The following RFC2 variants were observed in gnomAD, a reference collection of about 807,000 sequenced individuals.
RFC2 encodes the protein A1 40 kDa subunit.
A neutral mutation model predicts 44.8 loss-of-function variants in RFC2; 34 were observed. The observed-to-expected ratio is 0.76, with a 90% CI of 0.58 to 1.01. RFC2 has a LOEUF of 1.01. Ranked by LOEUF, RFC2 falls within the 50% of genes least tolerant of loss-of-function variation. The probability of loss-of-function intolerance (pLI) is 0.00; values close to 1 mark genes in which losing one functional copy is unlikely to be tolerated. For missense variants in RFC2, 400 were observed against 453.6 expected (o/e 0.88, Z 1.07); for synonymous variants, 177 against 168.9 (o/e 1.05, Z -0.37).
chr7:74,248,703 T>A (rs570537152), intron 4 of RFC2, among the ~76,000 whole-genome samples: 1 of 152,150 alleles, frequency 6.6e-6, no homozygotes, highest in South Asian at 2.1e-4. Flanking sequence ...GGTTTCACCA[T>A]GTTGGCTAGG....
chr7:74,239,108 C>T, intron 7 of RFC2, 120 bp from the exon 8 acceptor site: 1 of 736,132 alleles, frequency 1.4e-6, no homozygotes, highest in Non-Finnish European at 2.3e-6. Flanking sequence ...AGCGATTCTC[C>T]CACCTCCGCC....
chr7:74,246,709 A>C lies in RFC2; in HGVS notation c.387T>G (p.Thr129=), dbSNP rs111490006. ...TGATCTTATGTCGGCCTTTGGGAAG[A>C]GTGACTTTTTGTTGAGCAAACATTT... ...KIKMFAQQKV[T]LPKGRHKIII... is the part of the protein sequence containing the mutation. Residue 129 remains threonine (T), a synonymous_variant, in exon 5 of 11, where the codon ACT becomes ACG. Transcript: ENST00000055077. 1.9e-6 allele frequency: 3 copies of C among 1,613,270 alleles called. No individual in the cohort carries two copies. Among genetic ancestry groups the C allele is most frequent in the Non-Finnish European group, 2.5e-6 (3 of 1,179,578 alleles).
At chr7:74,252,119 A>C (rs1486171086) in intron 2 of RFC2, among the ~76,000 whole-genome samples, 7 of 141,606 alleles carry the variant, frequency 4.9e-5, no homozygotes, top group African/African-American at 1.8e-4. Flanking sequence ...AAAAAAAAAA[A>C]AAAAAAGGCC....
At chr7:74,249,268 C>T (rs1554720630) in intron 3 of RFC2, 150 bp from the exon 4 acceptor site, 1 of 1,416,134 alleles carries the variant, frequency 7.1e-7, no homozygotes, top group Non-Finnish European at 9.6e-7. Flanking sequence ...TGGCCGGAGA[C>T]AGTGGCTCAC....
In RFC2 at chr7:74,246,616, G is replaced by C. The variant is rs200041965; in HGVS notation, c.434+46C>G. 205 of 1,287,308 alleles carry C rather than the reference G, an allele frequency of 1.6e-4. 1 individual carries two copies. In the African/African-American group the frequency reaches 2.9e-3, roughly 18 times the overall value. The allele number at this position is 1,287,308 out of a possible 1,614,324, so 79.7% of individuals were successfully genotyped here. On this transcript the variant is annotated intron_variant, in intron 5 of 10. Coordinates refer to ENST00000055077, the MANE Select transcript of RFC2 (RefSeq NM_181471.3). Reference sequence around the variant, plus strand: ...ATCCTGATTGAATAAAACCGAAAAAGAGATTTAGAGATCAAGGTCAAAATA... The same window carrying C: ...ATCCTGATTGAATAAAACCGAAAAACAGATTTAGAGATCAAGGTCAAAATA...
At chr7:74,245,594 TC>T (rs1803557609) in intron 5 of RFC2, among the ~76,000 whole-genome samples, 1 of 149,836 alleles carries the variant, frequency 6.7e-6, no homozygotes, top group Non-Finnish European at 1.5e-5. Context: ...GCGCCTGTAG[TC>T]CCAGCTACTC....
At chr7:74,247,460 C>T (rs1241035912) in intron 4 of RFC2, among the ~76,000 whole-genome samples, 1 of 152,150 alleles carries the variant, frequency 6.6e-6, no homozygotes, top group Non-Finnish European at 1.5e-5. Flanking sequence ...GCCAACACGG[C>T]GAAAATCCAT....
At chr7:74,240,488 C>G (rs960002425) in intron 6 of RFC2, among the ~76,000 whole-genome samples, 4 of 131,858 alleles carry the variant, frequency 3.0e-5, no homozygotes, top group Non-Finnish European at 6.1e-5. Flanking sequence ...GACAACAGAG[C>G]GAGGCTGTGT....
intron 3 of RFC2, 135 bp downstream of exon 3, chr7:74,249,604 G>C: frequency 1.3e-6 from 1 of 741,836 alleles, no homozygotes; most frequent in East Asian, 2.5e-5. Context: ...CTCCCAACTA[G>C]AGTGAAACAC....
rs545566300 is a variant in RFC2 at position 74,246,169 on chromosome 7, C to T, written c.434+493G>A. Among the ~76,000 whole-genome samples, 31 of 151,828 alleles carry T rather than the reference C, an allele frequency of 2.0e-4. 1 individual carries two copies. In the South Asian group the frequency reaches 5.8e-3, roughly 28 times the overall value. Reference sequence around the variant, plus strand: ...TGAAATCGCACCACTGCACTCCAGCCTGGGAGACAGAGCGAGACTCTGTCT... The same window carrying T: ...TGAAATCGCACCACTGCACTCCAGCTTGGGAGACAGAGCGAGACTCTGTCT... On this transcript the variant is annotated intron_variant, in intron 5 of 10. Transcript: ENST00000055077.
chr7:74,233,399 A>T (rs1802833511), intron 10 of RFC2, among the ~76,000 whole-genome samples: 1 of 152,194 alleles, frequency 6.6e-6, no homozygotes, highest in Non-Finnish European at 1.5e-5. Flanking sequence ...AACAAAAAAT[A>T]CAGTACAATT....
rs1242942699 is a variant in RFC2 at position 74,246,687 on chromosome 7, T to C, written c.409A>G (p.Ile137Val). The C allele has an allele frequency of 2.5e-6, 4 of 1,610,804 alleles. No individual in the cohort carries two copies. Among genetic ancestry groups the C allele is most frequent in the Non-Finnish European group, 2.5e-6 (3 of 1,177,986 alleles). ...CTGTCTGCTTCATCCAGAATGATGA[T>C]CTTATGTCGGCCTTTGGGAAGAGTG... Reference protein sequence around the residue: ...KVTLPKGRHKIIILDEADSMT... With the variant: ...KVTLPKGRHKVIILDEADSMT... The change falls in exon 5 of 11, where the codon ATC becomes GTC. Residue 137 changes from isoleucine to valine, a missense_variant. Ile to Val is a conservative substitution (Grantham distance 29). Transcript: ENST00000055077.
intron 8 of RFC2, among the ~76,000 whole-genome samples, chr7:74,237,705 T>C (rs1803100940): frequency 6.6e-6 from 1 of 152,282 alleles, no homozygotes; most frequent in Admixed American, 6.5e-5. Context: ...GGATGCTCAC[T>C]TGGGGACAGC....
At chr7:74,253,367 C>T (rs546467316) in intron 1 of RFC2, among the ~76,000 whole-genome samples, 2 of 152,156 alleles carry the variant, frequency 1.3e-5, no homozygotes, top group East Asian at 3.9e-4. Flanking sequence ...GCCACCATGC[C>T]AGGCAAGGAT....
Position 74,254,270 on chromosome 7 carries a change from C to T in RFC2, c.113+1G>A. 2 of 1,609,026 alleles carry T rather than the reference C, an allele frequency of 1.2e-6. No homozygotes were observed. Among genetic ancestry groups the T allele is most frequent in the Non-Finnish European group, 8.5e-7 (1 of 1,176,076 alleles). On this transcript the variant is annotated splice_donor_variant, in intron 1 of 10. Coordinates refer to ENST00000055077, the MANE Select transcript of RFC2 (RefSeq NM_181471.3). LOFTEE classifies it high-confidence loss of function. ...CCATTCTTTACGGCCTGGGACCTCA[C>T]CACGGCAGTTCGTAGTGGCCGGCGC... is the stretch of plus-strand genomic sequence containing the variant.
intron 10 of RFC2, among the ~76,000 whole-genome samples, chr7:74,234,614 A>G (rs1447253949): frequency 3.9e-5 from 6 of 151,908 alleles, no homozygotes; most frequent in East Asian, 1.9e-4. Flanking sequence ...TTGGTCCCCA[A>G]TGTGGGGATG....
intron 5 of RFC2, among the ~76,000 whole-genome samples, chr7:74,243,813 A>G (rs1210298957): frequency 6.6e-6 from 1 of 150,968 alleles, no homozygotes; most frequent in Non-Finnish European, 1.5e-5. Flanking sequence ...ATTTTAAAAA[A>G]TACAAAAAAG....
At chr7:74,237,571 C>T in intron 8 of RFC2, 129 bp from the exon 9 acceptor site, 1 of 503,882 alleles carries the variant, frequency 2.0e-6, no homozygotes, top group Non-Finnish European at 3.5e-6. Flanking sequence ...TCAAATTCTC[C>T]AGCAACCAGG....
In RFC2 at chr7:74,249,793, T is replaced by G. The variant is rs73705358; in HGVS notation, c.184-13A>C. On this transcript the variant is annotated splice_polypyrimidine_tract_variant and intron_variant, in intron 2 of 10. Transcript: ENST00000055077. ...CCCTTGCAAAGACCTACGGCGAAAA[T>G]GATCATTAAAACCGGTTAAAACTTG... The G allele has an allele frequency of 6.2e-7, 1 of 1,611,896 alleles. No individual in the cohort carries two copies. The highest frequency in any genetic ancestry group is 1.3e-5 in the African/African-American group (1 of 74,744).
Sources: allele counts gnomAD v4.1 joint callset (sites outside exome capture counted in the v4.1 genomes callset), GRCh38; gene constraint gnomAD v4.1.1; transcripts MANE v1.5; gene names NCBI Gene and HGNC (gene_info 2026-07-23, HGNC 2026-07-21).